Variants in BRWD1 observed in about 807,000 individuals in gnomAD.
BRWD1 encodes bromodomain and WD repeat domain containing 1.
BRWD1 carries 82 observed loss-of-function variants against 251.2 expected under a neutral mutation model. That is an observed-to-expected ratio of 0.33 (90% confidence interval 0.27 to 0.39). The LOEUF is 0.39. BRWD1 is among the 10% of genes least tolerant of loss of function. The pLI, the probability that BRWD1 is intolerant of heterozygous loss-of-function variation, is 1.00. For missense variants in BRWD1, 2,233 were observed against 2,711.6 expected, an observed-to-expected ratio of 0.82 and a Z score of 3.92; for synonymous variants, 918 against 902.8, an observed-to-expected ratio of 1.02 and a Z score of -0.30.
intron 32 of BRWD1, 40 bp from the exon 33 acceptor site, chr21:39,213,593 G>GTGACT: frequency 7.4e-7 from 1 of 1,345,876 alleles, no homozygotes; most frequent in Non-Finnish European, 1.0e-6. Context: ...TGCAGATGTA[G>GTGACT]TGACTTGTTG....
intron 35 of BRWD1, among the ~76,000 whole-genome samples, chr21:39,210,531 G>C (rs530333562): frequency 1.3e-5 from 2 of 152,190 alleles, no homozygotes; most frequent in African/African-American, 4.8e-5. Flanking sequence ...TACTTAGATA[G>C]AAATCTAAGT....
chr21:39,249,406 T>A (rs1051554872), intron 20 of BRWD1, among the ~76,000 whole-genome samples: 2 of 152,248 alleles, frequency 1.3e-5, no homozygotes. Flanking sequence ...TTTTCAGGTT[T>A]TTAATGTTTA....
intron 20 of BRWD1, among the ~76,000 whole-genome samples, chr21:39,248,641 C>CAAAAAAA (rs375430016): frequency 2.4e-4 from 20 of 83,292 alleles, no homozygotes; most frequent in East Asian, 8.0e-4. Flanking sequence ...CCCTATCTCC[C>CAAAAAAA]AAAAAAAAAA....
At chr21:39,257,216 A>AT (rs2034588459) in intron 18 of BRWD1, among the ~76,000 whole-genome samples, 1 of 151,978 alleles carries the variant, frequency 6.6e-6, no homozygotes, top group African/African-American at 2.4e-5. Flanking sequence ...AAAAAAAAAA[A>AT]AAAAATAGGA....
intron 8 of BRWD1, among the ~76,000 whole-genome samples, chr21:39,280,613 T>C (rs180794231): frequency 6.6e-6 from 1 of 152,098 alleles, no homozygotes; most frequent in Non-Finnish European, 1.5e-5. Context: ...CTAGACCCTA[T>C]TCAACCTGGG....
intron 7 of BRWD1, among the ~76,000 whole-genome samples, chr21:39,295,179 T>G (rs1033606937): frequency 5.2e-3 from 36 of 6,910 alleles, no homozygotes; most frequent in Non-Finnish European, 0.012. Flanking sequence ...GTCTATGTTT[T>G]TTTTTTTTTT....
chr21:39,194,678 T>C lies in BRWD1; in HGVS notation c.*1581A>G. 3.9e-6 allele frequency: 6 copies of C among 1,534,630 alleles called. No homozygotes were observed. The highest frequency in any genetic ancestry group is 4.4e-6 in the Non-Finnish European group (5 of 1,145,698). ...ACAAAATAGGAACACTTCAGAACAT[T>C]CTCTAACATTAATACCAGTCTGATG... On this transcript the variant is annotated 3_prime_UTR_variant, in exon 41 of 41. Transcript: ENST00000342449.
At chr21:39,255,226 C>G (rs2034523024) in intron 19 of BRWD1, among the ~76,000 whole-genome samples, 1 of 151,998 alleles carries the variant, frequency 6.6e-6, no homozygotes, top group Non-Finnish European at 1.5e-5. Context: ...GCCTGGCCAA[C>G]ATGGTGAAAC....
chr21:39,247,489 C>T (rs2034236687), intron 21 of BRWD1, among the ~76,000 whole-genome samples: 1 of 152,112 alleles, frequency 6.6e-6, no homozygotes, highest in South Asian at 2.1e-4. Flanking sequence ...TTGGGATGCT[C>T]AACATGTAAA....
chr21:39,220,863 T>TA (rs2033147837), intron 29 of BRWD1, among the ~76,000 whole-genome samples: 1 of 151,804 alleles, frequency 6.6e-6, no homozygotes, highest in African/African-American at 2.4e-5. Context: ...GATAAAAATA[T>TA]AAAAAGACTC....
intron 29 of BRWD1, among the ~76,000 whole-genome samples, chr21:39,221,615 A>G (rs1243831313): frequency 2.6e-5 from 4 of 152,236 alleles, no homozygotes; most frequent in African/African-American, 4.8e-5. Context: ...AAACTAATGG[A>G]TAACAGTTAA....
chr21:39,297,968 T>C, intron 5 of BRWD1: 2 of 985,530 alleles, frequency 2.0e-6, no homozygotes, highest in Non-Finnish European at 2.4e-6. Context: ...AAAAGAACCA[T>C]GCAGTTTTAC....
At position 39,218,507 on chromosome 21, in the gene BRWD1, A is replaced by T; in HGVS notation, c.3536T>A (p.Leu1179His). The change falls in exon 30 of 41, where the codon CTT becomes CAT. Residue 1179 changes from leucine to histidine, a missense_variant and splice_region_variant. By Grantham distance (99) the Leu-to-His change is moderately conservative. Around this residue, in one of 12 missense-constraint regions of BRWD1, gnomAD observed 167 missense variants for 183.2 expected, o/e 0.91. Transcript: ENST00000342449. Reference protein sequence around the residue: ...IISGIDQLLNLDIAAAFAGPV... With the variant: ...IISGIDQLLNHDIAAAFAGPV... The stretch of plus-strand genomic sequence containing the variant: ...ATCCTAAAAAATAAAAAACTTACCA[A>T]GATTCAAAAGTTGATCTATACCACT... The T allele has an allele frequency of 3.8e-6, 6 of 1,570,630 alleles. No individual in the cohort carries two copies. The highest frequency in any genetic ancestry group is 5.1e-6 in the Non-Finnish European group (6 of 1,167,792).
rs1568841888 is a variant in BRWD1 at position 39,187,123 on chromosome 21, G to T, written c.*9136C>A. 1.9e-6 allele frequency: 3 copies of T among 1,612,124 alleles called. No individual in the cohort carries two copies. The highest frequency in any genetic ancestry group is 2.5e-6 in the Non-Finnish European group (3 of 1,179,442). On this transcript the variant is annotated 3_prime_UTR_variant, in exon 41 of 41. Coordinates refer to ENST00000342449, the MANE Select transcript of BRWD1 (RefSeq NM_033656.4). ...TTTTTCACTTTCAGAATTTATGGTT[G>T]TATCATCCTCTTTATAAACATTCAG...
intron 5 of BRWD1, 110 bp downstream of exon 5, chr21:39,298,322 G>A: frequency 7.2e-7 from 1 of 1,381,984 alleles, no homozygotes; most frequent in Non-Finnish European, 9.4e-7. Flanking sequence ...TCCACAGCAT[G>A]ATTTATAGTT....
intron 21 of BRWD1, among the ~76,000 whole-genome samples, chr21:39,245,400 A>G (rs1353666361): frequency 6.6e-6 from 1 of 152,198 alleles, no homozygotes; most frequent in Non-Finnish European, 1.5e-5. Flanking sequence ...TACATATTAC[A>G]TAGGCAGAGG....
upstream of BRWD1, chr21:39,313,908 GCAGCGCGA>G (rs1258422485): frequency 3.2e-6 from 1 of 316,826 alleles, no homozygotes; most frequent in East Asian, 1.2e-4. Flanking sequence ...TTGTGAGGCG[GCAGCGCGA>G]CGCCGGGTGG....
At chr21:39,200,908 C>T (rs2032075500) in intron 38 of BRWD1, among the ~76,000 whole-genome samples, 1 of 151,886 alleles carries the variant, frequency 6.6e-6, no homozygotes, top group Non-Finnish European at 1.5e-5. Context: ...CACTTGAACC[C>T]AGGAGGGGAA....
At chr21:39,254,344 T>G (rs1236525808) in intron 19 of BRWD1, among the ~76,000 whole-genome samples, 1 of 152,216 alleles carries the variant, frequency 6.6e-6, no homozygotes, top group African/African-American at 2.4e-5. Flanking sequence ...ATTTACAAGA[T>G]GAACTATAAT....
Sources: allele counts gnomAD v4.1 joint callset (sites outside exome capture counted in the v4.1 genomes callset), GRCh38; gene constraint gnomAD v4.1.1; regional missense constraint gnomAD v4.1.1; transcripts MANE v1.5; gene names NCBI Gene and HGNC (gene_info 2026-07-23, HGNC 2026-07-21).